TRPM3: variants seen among roughly 807,000 people sequenced by gnomAD.
TRPM3 encodes the protein long transient receptor potential channel 3.
TRPM3 carries 77 observed loss-of-function variants against 181.2 expected under a neutral mutation model. That is an observed-to-expected ratio of 0.42 (90% CI 0.35 to 0.51). TRPM3 has a LOEUF of 0.51. Among genes scored for constraint, TRPM3 ranks in the 20% least tolerant of loss-of-function variants. The pLI is 0.01. For missense variants in TRPM3, 1,759 were observed against 2,196.7 expected, an observed-to-expected ratio of 0.80 and a Z score of 3.98; for synonymous variants, 745 against 796.4, an observed-to-expected ratio of 0.94 and a Z score of 1.09.
At chr9:70,549,170 A>G (rs2045856056) in intron 25 of TRPM3, among the ~76,000 whole-genome samples, 1 of 152,212 alleles carries the variant, frequency 6.6e-6, no homozygotes, top group Non-Finnish European at 1.5e-5. Context: ...AAGACGTGCA[A>G]TAGTCTACAC....
At chr9:71,202,308 G>GC (rs35104618) in intron 1 of TRPM3, among the ~76,000 whole-genome samples, 38,140 of 152,040 alleles carry the variant, frequency 0.25, 5,673 homozygotes, top group African/African-American at 0.4. Flanking sequence ...GAGGCAGTGT[G>GC]CCCATTCTCA....
rs1483705285 is a variant in TRPM3 at position 71,121,332 on chromosome 9, A to G, written c.23T>C (p.Val8Ala). ...AACCTGAGCAATGCCTAGAAAATAA[A>G]CGGTCCCCCACGGCTCTGGCATCCC... The part of the protein sequence containing the change: MPEPWGT[V>A]YFLGIAQVFS... The change falls in exon 1 of 26, where the codon GTT (valine) becomes GCT (alanine). Residue 8 changes from valine to alanine, a missense_variant. This residue lies in a region of TRPM3 where 737 missense variants were observed against 957.4 expected (regional missense o/e 0.77). Coordinates refer to ENST00000677713, the MANE Select transcript of TRPM3 (RefSeq NM_001366145.2). 10 of 1,613,720 alleles carry G rather than the reference A, an allele frequency of 6.2e-6. No homozygotes were observed. Among genetic ancestry groups the G allele is most frequent in the Non-Finnish European group, 7.6e-6 (9 of 1,179,986 alleles).
At chr9:70,902,480 G>A (rs1018248006) in intron 1 of TRPM3, among the ~76,000 whole-genome samples, 1 of 152,202 alleles carries the variant, frequency 6.6e-6, no homozygotes, top group African/African-American at 2.4e-5. Flanking sequence ...ACAAAGGAGG[G>A]ATTTTTGCAT....
chr9:71,239,961 A>G (rs1331299666), intron 1 of TRPM3, among the ~76,000 whole-genome samples: 1 of 152,118 alleles, frequency 6.6e-6, no homozygotes, highest in African/African-American at 2.4e-5. Flanking sequence ...AAGGAATTTC[A>G]TTAGAAAATG....
intron 1 of TRPM3, among the ~76,000 whole-genome samples, chr9:71,221,633 T>C (rs576104317): frequency 6.6e-6 from 1 of 152,240 alleles, no homozygotes; most frequent in Non-Finnish European, 1.5e-5. Context: ...TGCTGGCATA[T>C]TGCATGGGGC....
intron 1 of TRPM3, among the ~76,000 whole-genome samples, chr9:71,396,993 T>C (rs2093216544): frequency 6.6e-6 from 1 of 151,310 alleles, no homozygotes; most frequent in South Asian, 2.1e-4. Flanking sequence ...TTAAGCCTTA[T>C]ATACAGTGGA....
chr9:70,567,387 T>C (rs1166865408), intron 22 of TRPM3, among the ~76,000 whole-genome samples: 1 of 151,060 alleles, frequency 6.6e-6, no homozygotes, highest in Admixed American at 6.6e-5. Flanking sequence ...ATTGTGCACA[T>C]GCACATACAC....
chr9:71,356,989 T>C (rs2091924147), intron 1 of TRPM3, among the ~76,000 whole-genome samples: 1 of 152,192 alleles, frequency 6.6e-6, no homozygotes, highest in Non-Finnish European at 1.5e-5. Context: ...TAGAATGTCA[T>C]GTAACATGGC....
intron 7 of TRPM3, among the ~76,000 whole-genome samples, chr9:70,765,193 C>G (rs949007722): frequency 2.0e-5 from 3 of 152,170 alleles, no homozygotes; most frequent in Non-Finnish European, 4.4e-5. Flanking sequence ...TGTTGCTCTT[C>G]CTGATTATAT....
chr9:70,782,362 C>A (rs1284191335), intron 7 of TRPM3, among the ~76,000 whole-genome samples: 1 of 152,088 alleles, frequency 6.6e-6, no homozygotes, highest in African/African-American at 2.4e-5. Flanking sequence ...CAGGCACATG[C>A]CACCACACCT....
intron 1 of TRPM3, among the ~76,000 whole-genome samples, chr9:71,195,184 C>T (rs979830324): frequency 6.6e-5 from 10 of 151,856 alleles, no homozygotes; most frequent in African/African-American, 2.4e-4. Context: ...GAAGAGCTTC[C>T]GCACAGCAAA....
chr9:71,270,394 A>G (rs1395578938), intron 1 of TRPM3, among the ~76,000 whole-genome samples: 1 of 152,122 alleles, frequency 6.6e-6, no homozygotes, highest in Non-Finnish European at 1.5e-5. Context: ...AGTTTACTCA[A>G]TCATTCAGAA....
intron 21 of TRPM3, among the ~76,000 whole-genome samples, chr9:70,595,656 A>T (rs2077458756): frequency 6.6e-6 from 1 of 152,140 alleles, no homozygotes; most frequent in African/African-American, 2.4e-5. Context: ...AAATTCACAC[A>T]CCCACACATT....
intron 1 of TRPM3, among the ~76,000 whole-genome samples, chr9:71,022,523 T>C (rs1002893294): frequency 7.9e-5 from 12 of 152,014 alleles, no homozygotes; most frequent in Admixed American, 4.6e-4. Flanking sequence ...AGCAAGACTC[T>C]ATCTCTATAA....
intron 1 of TRPM3, among the ~76,000 whole-genome samples, chr9:71,440,021 G>A (rs1377862246): frequency 1.3e-5 from 2 of 152,112 alleles, no homozygotes; most frequent in African/African-American, 4.8e-5. Context: ...TACTCGGGAG[G>A]CTGAGGCTGG....
intron 1 of TRPM3, among the ~76,000 whole-genome samples, chr9:70,878,970 G>C (rs1377567759): frequency 6.6e-6 from 1 of 152,054 alleles, no homozygotes; most frequent in African/African-American, 2.4e-5. Flanking sequence ...TTTCATAATA[G>C]CAGCAATAAC....
chr9:71,332,487 TTTAAA>T (rs962554335), intron 1 of TRPM3, among the ~76,000 whole-genome samples: 2 of 151,334 alleles, frequency 1.3e-5, no homozygotes, highest in African/African-American at 4.9e-5. Flanking sequence ...GTTTTATTAA[TTTAAA>T]TAAACTCAGT....
intron 1 of TRPM3, among the ~76,000 whole-genome samples, chr9:70,985,356 A>G (rs1161117286): frequency 6.6e-6 from 1 of 152,144 alleles, no homozygotes; most frequent in African/African-American, 2.4e-5. Flanking sequence ...AAGATATGCC[A>G]TACAGATCTA....
At chr9:71,333,686 T>C (rs2090369656) in intron 1 of TRPM3, among the ~76,000 whole-genome samples, 2 of 151,974 alleles carry the variant, frequency 1.3e-5, no homozygotes, top group South Asian at 4.2e-4. Flanking sequence ...ACAAGATAAC[T>C]TGAGGGCAGT....
Sources: allele counts gnomAD v4.1 joint callset (sites outside exome capture counted in the v4.1 genomes callset), GRCh38; gene constraint gnomAD v4.1.1; regional missense constraint gnomAD v4.1.1; transcripts MANE v1.5; gene names NCBI Gene and HGNC (gene_info 2026-07-23, HGNC 2026-07-21).